The following MYO5B variants were observed in gnomAD, a reference collection of about 807,000 sequenced individuals.
The protein encoded by MYO5B is unconventional myosin-Vb.
A neutral mutation model predicts 229.3 loss-of-function variants in MYO5B; 143 were observed. The observed-to-expected ratio is 0.62, with a 90% confidence interval of 0.54 to 0.72. MYO5B has a LOEUF of 0.72. Among genes scored for constraint, MYO5B ranks in the 30% least tolerant of loss-of-function variants. MYO5B has a pLI of 0.00. For synonymous variants in MYO5B, 918 were observed against 885.2 expected (o/e 1.04, Z -0.66); for missense variants, 2,321 against 2,331.0 (o/e 1.00, Z 0.09).
chr18:50,166,719 G>A (rs1017589618), intron 1 of MYO5B, among the ~76,000 whole-genome samples: 1 of 152,006 alleles, frequency 6.6e-6, no homozygotes, highest in African/African-American at 2.4e-5. Flanking sequence ...GATTTCATAA[G>A]ATTCCTCATC....
intron 29 of MYO5B, among the ~76,000 whole-genome samples, chr18:49,858,531 G>A (rs564566828): frequency 2.0e-5 from 3 of 152,356 alleles, no homozygotes; most frequent in East Asian, 3.9e-4. Flanking sequence ...CCACCCCCCA[G>A]GGAGGGGCTG....
At chr18:49,859,383 G>A (rs1005164871) in intron 29 of MYO5B, among the ~76,000 whole-genome samples, 4 of 152,294 alleles carry the variant, frequency 2.6e-5, no homozygotes. Flanking sequence ...TATCAACCAT[G>A]GCCCCGCCAC....
chr18:49,999,029 TA>T (rs1463686681), intron 5 of MYO5B, among the ~76,000 whole-genome samples: 4 of 152,228 alleles, frequency 2.6e-5, no homozygotes, highest in African/African-American at 9.6e-5. Flanking sequence ...GATAAAATTG[TA>T]AAAAATTTCC....
At chr18:49,965,595 C>CAGCA (rs1263337477) in intron 10 of MYO5B, among the ~76,000 whole-genome samples, 1 of 152,104 alleles carries the variant, frequency 6.6e-6, no homozygotes, top group Non-Finnish European at 1.5e-5. Context: ...GTAATGCCTC[C>CAGCA]AGCAGCCAAG....
At chr18:50,121,876 A>G (rs958625341) in intron 1 of MYO5B, among the ~76,000 whole-genome samples, 4 of 152,194 alleles carry the variant, frequency 2.6e-5, no homozygotes, top group Non-Finnish European at 5.9e-5. Flanking sequence ...GCAACTACCA[A>G]TAACAGCCCT....
At chr18:49,875,982 A>G (rs1342360928) in intron 25 of MYO5B, among the ~76,000 whole-genome samples, 155 bp from the exon 26 acceptor site, 2 of 152,164 alleles carry the variant, frequency 1.3e-5, no homozygotes, top group Non-Finnish European at 2.9e-5. Context: ...ATGACAACCA[A>G]CTAACATTTC....
chr18:50,192,435 T>C (rs1319823266), intron 1 of MYO5B, among the ~76,000 whole-genome samples: 1 of 152,102 alleles, frequency 6.6e-6, no homozygotes, highest in Admixed American at 6.5e-5. Context: ...GATGGACTGG[T>C]TCAGAGCAGA....
At chr18:49,940,524 G>C (rs1345196430) in intron 14 of MYO5B, among the ~76,000 whole-genome samples, 24 of 152,178 alleles carry the variant, frequency 1.6e-4, no homozygotes. Flanking sequence ...GGGGCTTCTT[G>C]CAACCTGACC....
At chr18:49,960,403 C>G (rs957556070) in intron 12 of MYO5B, among the ~76,000 whole-genome samples, 2 of 152,206 alleles carry the variant, frequency 1.3e-5, no homozygotes, top group African/African-American at 4.8e-5. Flanking sequence ...ACGGCAAACC[C>G]AGGGGGATTC....
intron 1 of MYO5B, among the ~76,000 whole-genome samples, chr18:50,119,882 A>G (rs1409984415): frequency 6.6e-6 from 1 of 152,236 alleles, no homozygotes; most frequent in Admixed American, 6.5e-5. Context: ...AAGCACAAAT[A>G]TTTTAAATGA....
chr18:50,055,629 C>T (rs886717480), intron 1 of MYO5B, among the ~76,000 whole-genome samples: 1 of 152,100 alleles, frequency 6.6e-6, no homozygotes, highest in Non-Finnish European at 1.5e-5. Flanking sequence ...TAAAATTCTA[C>T]CCAAGAGACT....
intron 4 of MYO5B, among the ~76,000 whole-genome samples, chr18:50,011,100 T>C (rs1343990807): frequency 2.0e-5 from 3 of 152,194 alleles, no homozygotes; most frequent in Non-Finnish European, 4.4e-5. Context: ...CCCAGCACTT[T>C]GGGAGGCCGA....
In MYO5B at chr18:49,985,876, C is replaced by G. The variant is rs116900314; in HGVS notation, c.839-1051G>C. 1.1e-4 allele frequency among the ~76,000 whole-genome samples: 16 copies of G among 152,288 alleles called. No homozygotes were observed. In the East Asian group the frequency reaches 3.1e-3, roughly 30 times the overall value. ...AACACCTGTCCTTGCAATTTGATCT[C>G]AAGAATTTCTGAAGTCTCTCTCCTT... On this transcript the variant is annotated intron_variant, in intron 7 of 39. Coordinates refer to ENST00000285039, the MANE Select transcript of MYO5B (RefSeq NM_001080467.3).
chr18:49,960,773 A>G (rs958988290), intron 12 of MYO5B, among the ~76,000 whole-genome samples: 7 of 152,172 alleles, frequency 4.6e-5, no homozygotes, highest in Non-Finnish European at 7.3e-5. Context: ...TGACATGTCT[A>G]GCCCCCACCA....
intron 4 of MYO5B, among the ~76,000 whole-genome samples, chr18:50,034,149 C>G (rs73959845): frequency 0.16 from 23,845 of 152,196 alleles, 1,949 homozygotes; most frequent in East Asian, 0.22. Context: ...AGCTGTTAGG[C>G]AGGTTCAAAT....
rs373211672 is a variant in MYO5B at position 49,872,198 on chromosome 18, G to C, written c.3572C>G (p.Pro1191Arg). The C allele has an allele frequency of 1.2e-6, 2 of 1,613,898 alleles. No individual in the cohort carries two copies. Among genetic ancestry groups the C allele is most frequent in the African/African-American group, 2.7e-5 (2 of 74,886 alleles). The change falls in exon 27 of 40, where the codon CCG (proline) becomes CGG (arginine). Residue 1191 changes from proline (P) to arginine (R), a missense_variant. Coordinates refer to ENST00000285039, the MANE Select transcript of MYO5B (RefSeq NM_001080467.3). ...ACTATTGTAGGCCAGATCTGCATTC[G>C]GGTCCAAATCTATGTCAGTCTGTGG... ...EPPQTDIDLD[P>R]NADLAYNSLK...
intron 5 of MYO5B, among the ~76,000 whole-genome samples, chr18:49,998,721 T>C (rs986703564): frequency 1.3e-5 from 2 of 152,224 alleles, no homozygotes; most frequent in African/African-American, 2.4e-5. Context: ...CAAAACATGA[T>C]TGAACTTTGA....
chr18:50,120,479 G>A (rs535082642), intron 1 of MYO5B, among the ~76,000 whole-genome samples: 6 of 152,256 alleles, frequency 3.9e-5, no homozygotes, highest in African/African-American at 1.2e-4. Context: ...AGGTCTCAAC[G>A]GGCCATGTCC....
At chr18:49,925,225 C>A (rs1468683651) in intron 17 of MYO5B, among the ~76,000 whole-genome samples, 4 of 152,240 alleles carry the variant, frequency 2.6e-5, no homozygotes, top group Non-Finnish European at 5.9e-5. Flanking sequence ...GTCTCCACCA[C>A]CCTTTATCAT....
Sources: allele counts gnomAD v4.1 joint callset (sites outside exome capture counted in the v4.1 genomes callset), GRCh38; gene constraint gnomAD v4.1.1; transcripts MANE v1.5; gene names NCBI Gene and HGNC (gene_info 2026-07-23, HGNC 2026-07-21).